The following TRMU variants were observed in gnomAD, a reference collection of about 807,000 sequenced individuals.
The protein encoded by TRMU is mitochondrial tRNA-specific 2-thiouridylase 1.
In TRMU, 49 loss-of-function variants were observed where a neutral mutation model predicts 46.9. That is an observed-to-expected ratio of 1.05 (90% CI 0.83 to 1.33). The LOEUF is 1.33. TRMU is among the 40% of genes most tolerant of loss of function. The pLI is 0.00. For synonymous variants in TRMU, 241 were observed against 200.9 expected (o/e 1.20, Z -1.69); for missense variants, 572 against 532.4 (o/e 1.07, Z -0.73).
Position 46,353,774 on chromosome 22 carries a change from C to A in TRMU, c.780C>A (p.Phe260Leu). ...GAAACTGTCTTTCTGTAGGTTGGTT[C>A]CTGTATACCTTGGGCCAGAGAGCAA... ...NKVLGTHKGW[F>L]LYTLGQRANI... The change falls in exon 8 of 11, where the codon TTC (phenylalanine) becomes TTA (leucine). Residue 260 changes from phenylalanine (F) to leucine (L), a missense_variant. Coordinates refer to ENST00000645190, the MANE Select transcript of TRMU (RefSeq NM_018006.5). 1 of 1,613,730 alleles carries A rather than the reference C, an allele frequency of 6.2e-7. No homozygotes were observed. The highest frequency in any genetic ancestry group is 1.1e-5 in the South Asian group (1 of 91,016).
chr22:46,352,505 G>A (rs2078462745), intron 7 of TRMU, 175 bp downstream of exon 7: 7 of 702,462 alleles, frequency 1.0e-5, no homozygotes, highest in Admixed American at 2.2e-5. Context: ...TGCCTTGATG[G>A]TGGCTGGGTG....
Position 46,336,576 on chromosome 22 carries a change from G to A in TRMU, c.82+730G>A, listed in dbSNP as rs1321591279. ...GGGCAAGTGAATTAAGCCGTCCCCT[G>A]TAAAATTCGGCTAACACCTGCCTCA... On this transcript the variant is annotated intron_variant, in intron 1 of 10. Transcript: ENST00000645190. The surrounding 1 kb of genome is among the most constrained non-coding windows in gnomAD (Gnocchi z 4.1). 6.6e-6 allele frequency: 1 copy of A among 152,286 alleles called. No homozygotes were observed. The highest frequency in any genetic ancestry group is 1.9e-4 in the East Asian group (1 of 5,186). The allele number at this position is 152,286 out of a possible 1,614,324, so 9.4% of individuals were successfully genotyped here.
chr22:46,356,752 A>G lies in TRMU; in HGVS notation c.1102-90A>G, dbSNP rs950722758. On this transcript the variant is annotated intron_variant, in intron 10 of 10. Transcript: ENST00000645190. ...GCTCAGTGCCTGGTGCTCCGAGCAC[A>G]GGCCAGGCCCCATAGGGGAGCACTC... The G allele has an allele frequency of 1.2e-5, 18 of 1,498,264 alleles. No individual in the cohort carries two copies. In the African/African-American group the frequency reaches 1.7e-4, roughly 14 times the overall value. 92.8% of individuals were successfully genotyped at this position (1,498,264 alleles called of 1,614,324 possible).
At chr22:46,355,653 G>A in intron 9 of TRMU, 65 bp downstream of exon 9, 2 of 1,612,116 alleles carry the variant, frequency 1.2e-6, no homozygotes, top group South Asian at 1.1e-5. Context: ...GCCAGATTTG[G>A]GCCAGGGATG....
chr22:46,343,165 A>T, intron 2 of TRMU, 97 bp from the exon 3 acceptor site: 1 of 853,978 alleles, frequency 1.2e-6, no homozygotes, highest in Non-Finnish European at 1.8e-6. Flanking sequence ...TGGTATGACA[A>T]GGGGAAATTA....
chr22:46,342,375 A>C lies in TRMU; in HGVS notation c.249-887A>C, dbSNP rs1187666670. 1.3e-5 allele frequency among the ~76,000 whole-genome samples: 2 copies of C among 152,186 alleles called. No homozygotes were observed. The highest frequency in any genetic ancestry group is 3.8e-4 in the East Asian group (2 of 5,196). On this transcript the variant is annotated intron_variant, in intron 2 of 10. Coordinates refer to ENST00000645190, the MANE Select transcript of TRMU (RefSeq NM_018006.5). The surrounding 1 kb of genome is among the most constrained non-coding windows in gnomAD (Gnocchi z 4.7). ...ATGGGGAAAGGGTCATGGAGTGTCC[A>C]CACCCTCCCTGGGGACCACCCTCCA...
Position 46,349,443 on chromosome 22 carries a change from G to A in TRMU, c.479-848G>A, listed in dbSNP as rs140050. On this transcript the variant is annotated intron_variant, in intron 4 of 10. Coordinates refer to ENST00000645190, the MANE Select transcript of TRMU (RefSeq NM_018006.5). The surrounding 1 kb of genome is among the most constrained non-coding windows in gnomAD (Gnocchi z 4.6). ...GCTACGCAGAGTGTGTACTGTACAC[G>A]TGGCTCTGCCAAGCCAGGAAGGGTA... 0.053 allele frequency among the ~76,000 whole-genome samples: 8,143 copies of A among 152,330 alleles called. 303 individuals carry two copies. Among genetic ancestry groups the A allele is most frequent in the Non-Finnish European group, 0.08 (5,434 of 68,028 alleles).
rs368761690 is a variant in TRMU, at chr22:46,350,263, A to G, written c.479-28A>G. Reference sequence around the variant, plus strand: ...GAAGTATCATTATTTTTATTCCTGCATCGTCTTTTGTTCTTTATTCTTGGC... The same window carrying G: ...GAAGTATCATTATTTTTATTCCTGCGTCGTCTTTTGTTCTTTATTCTTGGC... On this transcript the variant is annotated intron_variant, in intron 4 of 10. Coordinates refer to ENST00000645190, the MANE Select transcript of TRMU (RefSeq NM_018006.5). The surrounding 1 kb of genome is among the most constrained non-coding windows in gnomAD (Gnocchi z 4.6). 2.3e-5 allele frequency: 37 copies of G among 1,613,848 alleles called. No individual in the cohort carries two copies. The highest frequency in any genetic ancestry group is 3.3e-5 in the Admixed American group (2 of 60,002).
At chr22:46,352,978 G>T (rs1457531327) in intron 7 of TRMU, 5 of 169,308 alleles carry the variant, frequency 3.0e-5, no homozygotes, top group South Asian at 1.4e-4. Context: ...TGAGCTGTGG[G>T]ACTGGCCAGG....
chr22:46,348,551 C>CTGAT lies in TRMU; in HGVS notation c.479-1738_479-1735dup, dbSNP rs1052164895. ...CTCCTAGGCCTGGCCTGTGACTGGG[C>CTGAT]TGATTTTCCCCCACACAGCGTGCTA... On this transcript the variant is annotated intron_variant, in intron 4 of 10. Coordinates refer to ENST00000645190, the MANE Select transcript of TRMU (RefSeq NM_018006.5). The surrounding 1 kb of genome is among the most constrained non-coding windows in gnomAD (Gnocchi z 4.8). 3.3e-5 allele frequency among the ~76,000 whole-genome samples: 5 copies of CTGAT among 152,202 alleles called. No individual in the cohort carries two copies. Among genetic ancestry groups the CTGAT allele is most frequent in the African/African-American group, 1.2e-4 (5 of 41,448 alleles).
At chr22:46,354,401 C>T (rs915901276) in intron 8 of TRMU, 1 of 171,076 alleles carries the variant, frequency 5.8e-6, no homozygotes, top group Non-Finnish European at 1.3e-5. Context: ...TTGGTTGTCA[C>T]AGCTTGGGTG....
At chr22:46,356,110 A>G (rs368101655) in intron 10 of TRMU, 38 bp downstream of exon 10, 1 of 1,609,896 alleles carries the variant, frequency 6.2e-7, no homozygotes, top group African/African-American at 1.3e-5. Context: ...GGAGGACTGT[A>G]CTGCTCTGCA....
chr22:46,346,604 G>A (rs2147055805), intron 4 of TRMU, 60 bp downstream of exon 4: 3 of 1,577,794 alleles, frequency 1.9e-6, no homozygotes, highest in Non-Finnish European at 2.6e-6. Flanking sequence ...ATCTTTGGAG[G>A]AATGACAGTG....
Position 46,351,833 on chromosome 22 carries a change from AAGGAC to A in TRMU, c.652-287_652-283del, listed in dbSNP as rs751222449. On this transcript the variant is annotated intron_variant, in intron 5 of 10. Transcript: ENST00000645190. The surrounding 1 kb of genome is among the most constrained non-coding windows in gnomAD (Gnocchi z 6.4). Reference sequence around the variant, plus strand: ...CCACTCCTCGCAGGACAGTGGCCTGAAGGACCTGACCGGGTTCTGCTTTCTTCCCC... The same window carrying A: ...CCACTCCTCGCAGGACAGTGGCCTGACTGACCGGGTTCTGCTTTCTTCCCC... 32 of 517,368 alleles carry A rather than the reference AAGGAC, an allele frequency of 6.2e-5. No individual in the cohort carries two copies. Among genetic ancestry groups the A allele is most frequent in the Non-Finnish European group, 1.1e-4 (30 of 284,926 alleles). 32.0% of individuals were successfully genotyped at this position (517,368 alleles called of 1,614,324 possible).
At chr22:46,353,558 T>G in intron 7 of TRMU, 1 of 508,412 alleles carries the variant, frequency 2.0e-6, no homozygotes, top group Non-Finnish European at 3.7e-6. Context: ...CCACACCCCA[T>G]GTCCAGCCCA....
chr22:46,337,064 G>A, intron 1 of TRMU, among the ~76,000 whole-genome samples: 1 of 152,176 alleles, frequency 6.6e-6, no homozygotes, highest in East Asian at 1.9e-4. Context: ...TCTGGGATAG[G>A]GGTGGTCTTT....
Position 46,353,849 on chromosome 22 carries a change from C to G in TRMU, c.855C>G (p.Val285=), listed in dbSNP as rs767071987. The change falls in exon 8 of 11, where the codon GTC becomes GTG. Residue 285 remains valine (V), a synonymous_variant. Transcript: ENST00000645190. ...GGTACGTGGTGGAGAAGGACAGCGT[C>G]AAGGGTGACGTGTTTGTGGTGAGTG... ...EPWYVVEKDS[V]KGDVFVAPRT... is the part of the protein sequence containing the mutation. 3.1e-6 allele frequency: 5 copies of G among 1,613,678 alleles called. 1 individual carries two copies. In the South Asian group the frequency reaches 5.5e-5, roughly 18 times the overall value.
chr22:46,336,283 C>A lies in TRMU; in HGVS notation c.82+437C>A. 3.0e-6 allele frequency: 1 copy of A among 337,360 alleles called. No individual in the cohort carries two copies. Among genetic ancestry groups the A allele is most frequent in the Non-Finnish European group, 4.3e-6 (1 of 230,608 alleles). 20.9% of individuals were successfully genotyped at this position (337,360 alleles called of 1,614,324 possible). On this transcript the variant is annotated intron_variant, in intron 1 of 10. Coordinates refer to ENST00000645190, the MANE Select transcript of TRMU (RefSeq NM_018006.5). This position sits in a 1 kb window ranked among gnomAD's most constrained non-coding sequence, Gnocchi z 4.1. ...CGGTGGGAGGTCCTTGTCCTCCCCACTCAGCAGACTGGACAACTGCCGCGC... is the reference window on the plus strand; with the variant it reads ...CGGTGGGAGGTCCTTGTCCTCCCCAATCAGCAGACTGGACAACTGCCGCGC...
rs1204054079 is a variant in TRMU, at chr22:46,351,284, G to T, written c.651+821G>T. ...TCAGGAGGATCGAGCGCACCCAGGA[G>T]TTTGAGGACAGCCTGGGCAACACAG... On this transcript the variant is annotated intron_variant, in intron 5 of 10. Coordinates refer to ENST00000645190, the MANE Select transcript of TRMU (RefSeq NM_018006.5). This position sits in a 1 kb window ranked among gnomAD's most constrained non-coding sequence, Gnocchi z 6.4. Among the ~76,000 whole-genome samples the T allele has an allele frequency of 2.0e-5, 3 of 152,320 alleles. No individual in the cohort carries two copies. Among genetic ancestry groups the T allele is most frequent in the Middle Eastern group, 3.4e-3 (1 of 294 alleles).
Sources: allele counts gnomAD v4.1 joint callset (sites outside exome capture counted in the v4.1 genomes callset), GRCh38; gene constraint gnomAD v4.1.1; non-coding constraint Gnocchi (gnomAD v3.1); transcripts MANE v1.5; gene names NCBI Gene and HGNC (gene_info 2026-07-23, HGNC 2026-07-21).